Variants in WDR70 observed in about 807,000 individuals in gnomAD.
WDR70 encodes WD repeat domain 70.
In WDR70, 53 loss-of-function variants were observed where a neutral mutation model predicts 88.6. The ratio of observed to expected loss-of-function variants is 0.60; its 90% CI spans 0.48 to 0.75. The LOEUF (loss-of-function observed/expected upper bound fraction) is 0.75. WDR70 is among the 30% of genes least tolerant of loss of function. WDR70 has a pLI of 0.00. For synonymous variants in WDR70, 280 were observed against 270.0 expected (o/e 1.04, Z -0.36); for missense variants, 610 against 823.2 (o/e 0.74, Z 3.17).
At chr5:37,566,690 A>G (rs1487060472) in intron 9 of WDR70, among the ~76,000 whole-genome samples, 5 of 152,162 alleles carry the variant, frequency 3.3e-5, no homozygotes, top group Admixed American at 3.3e-4. Context: ...TAGCTGTGCT[A>G]CTTGATTGTT....
At chr5:37,574,635 A>T (rs1281604337) in intron 9 of WDR70, among the ~76,000 whole-genome samples, 2 of 152,150 alleles carry the variant, frequency 1.3e-5, no homozygotes, top group African/African-American at 4.8e-5. Context: ...AGACTTACAG[A>T]TCTAATAGCC....
At chr5:37,629,296 T>A (rs553714443) in intron 10 of WDR70, among the ~76,000 whole-genome samples, 1 of 152,296 alleles carries the variant, frequency 6.6e-6, no homozygotes, top group African/African-American at 2.4e-5. Context: ...TTCTTTGAGC[T>A]CCCTGGACCT....
intron 17 of WDR70, among the ~76,000 whole-genome samples, chr5:37,748,477 G>C (rs573346781): frequency 2.0e-5 from 3 of 152,152 alleles, no homozygotes. Context: ...ATGGATTAAA[G>C]ACTTAAATGT....
rs1173745331 is a variant in WDR70, at chr5:37,741,193, AG to A, written c.1878-11289del. ...AAGGCACCTCCTTTTTGTCCCAGGA[AG>A]GGGATTTGTTCTTCCTTACTCCCAA... is the stretch of plus-strand genomic sequence containing the variant. On this transcript the variant is annotated intron_variant, in intron 17 of 17. Transcript: ENST00000265107. Among the ~76,000 whole-genome samples the A allele has an allele frequency of 3.3e-5, 5 of 150,348 alleles. No individual in the cohort carries two copies. The East Asian group carries it at 9.8e-4, about 29-fold the overall frequency.
chr5:37,705,088 C>T (rs142743020), intron 13 of WDR70, among the ~76,000 whole-genome samples: 33 of 152,132 alleles, frequency 2.2e-4, no homozygotes, highest in South Asian at 6.2e-4. Flanking sequence ...GGAAGAAAGA[C>T]AGTGAATTCT....
In WDR70 at chr5:37,560,912, A is replaced by G. The variant is rs556415021; in HGVS notation, c.918-44152A>G. Among the ~76,000 whole-genome samples the G allele has an allele frequency of 3.1e-3, 473 of 151,292 alleles. 1 individual carries two copies. Among genetic ancestry groups the G allele is most frequent in the African/African-American group, 0.011 (445 of 41,218 alleles). ...CTGCAGCCTTGAACTCCTGGGTTCA[A>G]GCTGTCCTCCTTCTCCAGCCTCTTG... On this transcript the variant is annotated intron_variant, in intron 9 of 17. Transcript: ENST00000265107.
intron 7 of WDR70, among the ~76,000 whole-genome samples, chr5:37,471,836 C>A (rs6868843): frequency 0.85 from 129,637 of 151,818 alleles, 59,190 homozygotes; most frequent in East Asian, 1. Flanking sequence ...AAATTGACTC[C>A]GCATCATTCA....
At chr5:37,456,286 C>A (rs567242295) in intron 7 of WDR70, among the ~76,000 whole-genome samples, 5 of 152,106 alleles carry the variant, frequency 3.3e-5, no homozygotes, top group Non-Finnish European at 7.3e-5. Flanking sequence ...TAAATTTTAG[C>A]CATTCAGTTG....
chr5:37,570,130 A>G (rs140566254), intron 9 of WDR70, among the ~76,000 whole-genome samples: 4 of 152,246 alleles, frequency 2.6e-5, no homozygotes, highest in African/African-American at 9.6e-5. Flanking sequence ...ATGGGACCAT[A>G]GATTGGGGCA....
intron 9 of WDR70, among the ~76,000 whole-genome samples, chr5:37,600,544 A>AAAAG (rs1393401299): frequency 4.6e-5 from 7 of 151,306 alleles, no homozygotes; most frequent in Non-Finnish European, 1.0e-4. Context: ...AAAAAAAAAA[A>AAAAG]GAACATCTAG....
chr5:37,666,465 T>C (rs1745846914), intron 10 of WDR70, among the ~76,000 whole-genome samples: 1 of 152,242 alleles, frequency 6.6e-6, no homozygotes. Context: ...CTTGTGCTTA[T>C]GGACTCAGTT....
At chr5:37,598,206 C>T (rs1743757459) in intron 9 of WDR70, among the ~76,000 whole-genome samples, 1 of 151,796 alleles carries the variant, frequency 6.6e-6, no homozygotes, top group South Asian at 2.1e-4. Context: ...CTACCCTCAA[C>T]TTTGCAACAG....
At chr5:37,463,642 G>T (rs1472132912) in intron 7 of WDR70, among the ~76,000 whole-genome samples, 1 of 152,216 alleles carries the variant, frequency 6.6e-6, no homozygotes, top group Non-Finnish European at 1.5e-5. Context: ...CTCCGTGAGA[G>T]AGCATTCACT....
chr5:37,732,497 G>T (rs1748174719), intron 17 of WDR70, among the ~76,000 whole-genome samples: 1 of 151,938 alleles, frequency 6.6e-6, no homozygotes. Flanking sequence ...GTAGGTATTT[G>T]CCCACACATG....
intron 10 of WDR70, among the ~76,000 whole-genome samples, chr5:37,622,457 GCA>G (rs1744534164): frequency 6.6e-6 from 1 of 151,956 alleles, no homozygotes; most frequent in Admixed American, 6.6e-5. Flanking sequence ...GTTTATTGCA[GCA>G]CTATTCACAA....
intron 10 of WDR70, chr5:37,688,065 GT>G: frequency 2.0e-6 from 1 of 512,436 alleles, no homozygotes; most frequent in South Asian, 3.1e-5. Context: ...ATATGCATGT[GT>G]TTACTTATAT....
Position 37,726,942 on chromosome 5 carries a change from A to G in WDR70, c.1774A>G (p.Ile592Val), listed in dbSNP as rs773608595. 9 of 1,611,880 alleles carry G rather than the reference A, an allele frequency of 5.6e-6. No individual in the cohort carries two copies. Among genetic ancestry groups the G allele is most frequent in the Non-Finnish European group, 6.8e-6 (8 of 1,179,200 alleles). ...GTLSSYIVKN[I>V]ALDKTDDSNP... Reference sequence around the variant, plus strand: ...TCTCTCTTCCTATATTGTGAAGAACATTGCTTTGGACAAGACCGATGACAG... The same window carrying G: ...TCTCTCTTCCTATATTGTGAAGAACGTTGCTTTGGACAAGACCGATGACAG... The change falls in exon 17 of 18, where the codon ATT (isoleucine) becomes GTT (valine). Residue 592 changes from isoleucine (I) to valine (V), a missense_variant. By Grantham distance (29) the Ile-to-Val change is conservative (BLOSUM62 3). This residue lies in a region of WDR70 where 70 missense variants were observed against 139.2 expected (regional missense o/e 0.50). Transcript: ENST00000265107.
intron 9 of WDR70, among the ~76,000 whole-genome samples, chr5:37,594,296 A>C (rs888380293): frequency 1.3e-5 from 2 of 152,192 alleles, no homozygotes; most frequent in Non-Finnish European, 2.9e-5. Flanking sequence ...TTAAGTCTTT[A>C]ATCCATCTTG....
At chr5:37,419,296 C>T (rs1331723712) in intron 5 of WDR70, among the ~76,000 whole-genome samples, 1 of 151,180 alleles carries the variant, frequency 6.6e-6, no homozygotes, top group Non-Finnish European at 1.5e-5. Flanking sequence ...AACTTCCGTC[C>T]TGGGGTTCAA....
Sources: gnomAD v4.1 joint callset for allele counts (sites outside exome capture counted in the v4.1 genomes callset) on GRCh38, gnomAD v4.1.1 for gene constraint, gnomAD v4.1.1 regional missense constraint, MANE v1.5 for transcripts, NCBI Gene and HGNC (gene_info 2026-07-23, HGNC 2026-07-21) for gene names.